Variants in RARB observed in about 807,000 individuals in gnomAD.
RARB encodes the protein HBV-activated protein.
In RARB, 17 loss-of-function variants were observed where a neutral mutation model predicts 51.9. The ratio of observed to expected loss-of-function variants is 0.33; its 90% CI spans 0.22 to 0.49. The LOEUF is 0.49. Ranked by LOEUF, RARB falls within the 20% of genes least tolerant of loss-of-function variation. The pLI, the probability that RARB is intolerant of heterozygous loss-of-function variation, is 0.99. For synonymous variants in RARB, 215 were observed against 195.4 expected (o/e 1.10, Z -0.84); for missense variants, 369 against 550.8 (o/e 0.67, Z 3.30).
At chr3:25,184,471 A>C (rs560032454) in intron 5 of RARB, among the ~76,000 whole-genome samples, 2 of 152,100 alleles carry the variant, frequency 1.3e-5, no homozygotes, top group Non-Finnish European at 2.9e-5. Context: ...AATCATTAGG[A>C]AAGGTTCATC....
intron 2 of RARB, among the ~76,000 whole-genome samples, chr3:25,002,812 G>A (rs1013592208): frequency 8.6e-5 from 13 of 151,574 alleles, no homozygotes; most frequent in Non-Finnish European, 2.9e-5. Context: ...TAATTGCTTT[G>A]TTTCATCATC....
At chr3:25,544,300 T>G (rs1699516422) in intron 3 of RARB, among the ~76,000 whole-genome samples, 2 of 152,242 alleles carry the variant, frequency 1.3e-5, no homozygotes, top group Non-Finnish European at 2.9e-5. Context: ...TGTATTCTTC[T>G]TAGCAAGTTT....
chr3:25,432,597 A>G (rs1434381263), intron 1 of RARB, among the ~76,000 whole-genome samples: 1 of 152,200 alleles, frequency 6.6e-6, no homozygotes, highest in Non-Finnish European at 1.5e-5. Flanking sequence ...ACTTTTCTCT[A>G]AAGCGTAAGA....
chr3:25,515,548 G>C (rs1172606840), intron 3 of RARB, among the ~76,000 whole-genome samples: 2 of 152,206 alleles, frequency 1.3e-5, no homozygotes, highest in East Asian at 3.9e-4. Flanking sequence ...GTCAACAGTA[G>C]AATGTGTAAA....
chr3:25,581,343 C>T (rs1204785818), intron 5 of RARB, among the ~76,000 whole-genome samples: 1 of 152,210 alleles, frequency 6.6e-6, no homozygotes, highest in Non-Finnish European at 1.5e-5. Flanking sequence ...GGCCAGTCCC[C>T]CATCCCACTT....
chr3:25,092,733 A>G (rs555020212), intron 3 of RARB, among the ~76,000 whole-genome samples: 4 of 152,070 alleles, frequency 2.6e-5, no homozygotes, highest in Non-Finnish European at 5.9e-5. Context: ...TTGTCTTGCC[A>G]TGTAATTGTT....
chr3:25,424,370 G>A (rs1486012366), upstream of RARB, among the ~76,000 whole-genome samples: 4 of 152,092 alleles, frequency 2.6e-5, no homozygotes, highest in African/African-American at 9.7e-5. Flanking sequence ...AACTTCCCCC[G>A]CTCCCTTCCA....
At position 24,883,850 on chromosome 3, in the gene RARB, G is replaced by C. The variant is rs547586095; in HGVS notation, c.-380+25098G>C. ...GAAAAAGTCAATGATTCTTGCGTAAGTTGCTAGTATTTTAATACTTCATTT... is the reference window on the plus strand; with the variant it reads ...GAAAAAGTCAATGATTCTTGCGTAACTTGCTAGTATTTTAATACTTCATTT... On this transcript the variant is annotated intron_variant, in intron 2 of 11. Transcript: ENST00000383772. Among the ~76,000 whole-genome samples the C allele has an allele frequency of 2.4e-3, 363 of 152,194 alleles. 17 individuals carry two copies. The South Asian group carries it at 0.07, about 30-fold the overall frequency.
rs1447680653 is a variant in RARB, at chr3:25,018,434, A to G, written c.-379-41691A>G. 2.6e-5 allele frequency among the ~76,000 whole-genome samples: 4 copies of G among 152,168 alleles called. 1 individual carries two copies. Among genetic ancestry groups the G allele is most frequent in the African/African-American group, 9.7e-5 (4 of 41,440 alleles). ...TGGCAATGGATGAGAAGAAAGGTAA[A>G]TTAGGATTATTTTTTAAAAGTTGTC... On this transcript the variant is annotated intron_variant, in intron 2 of 11. Coordinates refer to the RARB transcript ENST00000383772.
chr3:25,019,102 T>G (rs924149941), intron 2 of RARB, among the ~76,000 whole-genome samples: 4 of 152,162 alleles, frequency 2.6e-5, no homozygotes, highest in Non-Finnish European at 5.9e-5. Context: ...TCTTGGGAAA[T>G]CACCTTTTCA....
At chr3:24,920,803 C>T (rs1411794597) in intron 2 of RARB, among the ~76,000 whole-genome samples, 1 of 152,208 alleles carries the variant, frequency 6.6e-6, no homozygotes, top group Non-Finnish European at 1.5e-5. Flanking sequence ...ATTAGTCTCT[C>T]TCACTTTGTC....
At chr3:25,501,611 TAC>T (rs759194237) in intron 3 of RARB, among the ~76,000 whole-genome samples, 5 of 152,308 alleles carry the variant, frequency 3.3e-5, no homozygotes, top group South Asian at 4.1e-4. Context: ...TCAAGCATAT[TAC>T]ACAGTCACAC....
At chr3:25,209,930 T>A (rs1701649404) in intron 5 of RARB, among the ~76,000 whole-genome samples, 1 of 152,186 alleles carries the variant, frequency 6.6e-6, no homozygotes, top group African/African-American at 2.4e-5. Flanking sequence ...GATTTCAAAG[T>A]TATAAAACTA....
intron 3 of RARB, among the ~76,000 whole-genome samples, chr3:25,124,123 C>T (rs961079856): frequency 2.0e-5 from 3 of 152,134 alleles, no homozygotes; most frequent in African/African-American, 7.2e-5. Context: ...GCCTGTAATC[C>T]TAGCACTTTG....
At chr3:25,281,965 G>T (rs1381693233) in intron 5 of RARB, among the ~76,000 whole-genome samples, 2 of 152,170 alleles carry the variant, frequency 1.3e-5, no homozygotes, top group African/African-American at 2.4e-5. Context: ...TGGGCTAGGG[G>T]TTCAGAGTAC....
At position 24,841,091 on chromosome 3, in the gene RARB, A is replaced by G. The variant is rs185624673; in HGVS notation, c.-459+11688A>G. ...TCATTAAAATATTTTTTGGCTGTAG[A>G]TAAGTGTCCAGGAGATGCTGTAAAA... On this transcript the variant is annotated intron_variant, in intron 1 of 11. Transcript: ENST00000383772. Among the ~76,000 whole-genome samples, 30 of 152,332 alleles carry G rather than the reference A, an allele frequency of 2.0e-4. No individual in the cohort carries two copies. In the East Asian group the frequency reaches 5.8e-3, roughly 29 times the overall value.
intron 3 of RARB, among the ~76,000 whole-genome samples, chr3:25,122,026 T>C (rs971401419): frequency 6.6e-6 from 1 of 152,194 alleles, no homozygotes; most frequent in African/African-American, 2.4e-5. Context: ...TATACTTCTT[T>C]GAAAGTCATT....
chr3:25,508,894 T>TAA (rs11369682), intron 3 of RARB, among the ~76,000 whole-genome samples: 7,251 of 146,798 alleles, frequency 0.049, 408 homozygotes, highest in African/African-American at 0.14. Context: ...TTAGGAGATT[T>TAA]AAAAAAAAAA....
chr3:24,837,744 A>G (rs1204300428), intron 1 of RARB, among the ~76,000 whole-genome samples: 3 of 152,230 alleles, frequency 2.0e-5, no homozygotes, highest in Non-Finnish European at 4.4e-5. Flanking sequence ...GCTTGGAAAC[A>G]TAAATGATTA....
Sources: allele counts gnomAD v4.1 joint callset (sites outside exome capture counted in the v4.1 genomes callset), GRCh38; gene constraint gnomAD v4.1.1; transcripts MANE v1.5; gene names NCBI Gene and HGNC (gene_info 2026-07-23, HGNC 2026-07-21).